Variants in THSD4 observed in about 807,000 individuals in gnomAD.
THSD4 encodes the protein thrombospondin type-1 domain-containing protein 4.
Under a neutral mutation model 119.0 loss-of-function variants are expected in THSD4, and 69 were observed. The ratio of observed to expected loss-of-function variants is 0.58; its 90% confidence interval spans 0.48 to 0.71. THSD4 has a LOEUF of 0.71. THSD4 is among the 30% of genes least tolerant of loss of function. The pLI is 0.00. For missense variants in THSD4, 1,393 were observed against 1,391.1 expected (o/e 1.00, Z -0.02); for synonymous variants, 524 against 540.4 (o/e 0.97, Z 0.42).
intron 1 of THSD4, among the ~76,000 whole-genome samples, chr15:71,118,171 T>C (rs577643458): frequency 1.3e-5 from 2 of 152,232 alleles, no homozygotes; most frequent in East Asian, 3.9e-4. Flanking sequence ...AGGAAAGTAC[T>C]GTATGGACAC....
At position 71,778,371 on chromosome 15, in the gene THSD4, T is replaced by C. The variant is rs751046979; in HGVS notation, c.*997T>C. On this transcript the variant is annotated 3_prime_UTR_variant, in exon 18 of 18. Coordinates refer to ENST00000261862, the MANE Select transcript of THSD4 (RefSeq NM_024817.3). ...AACTGTCCGTGAGACAAGAAAGCCA[T>C]TGGGGAAACCAGGTGATTGCCTGAA... The C allele has an allele frequency of 7.9e-5, 12 of 152,294 alleles. No individual in the cohort carries two copies. The highest frequency in any genetic ancestry group is 1.9e-4 in the East Asian group (1 of 5,192). The allele number at this position is 152,294 out of a possible 1,614,324, so 9.4% of individuals were successfully genotyped here. A position where few individuals can be genotyped will look rare whatever the true frequency, so the allele number is the denominator to read the frequency against.
chr15:71,388,140 C>T (rs1465522251), intron 6 of THSD4, among the ~76,000 whole-genome samples: 1 of 152,230 alleles, frequency 6.6e-6, no homozygotes, highest in Non-Finnish European at 1.5e-5. Flanking sequence ...TACCTTCTTT[C>T]ACATAAATCA....
intron 8 of THSD4, among the ~76,000 whole-genome samples, chr15:71,692,814 GA>G (rs1360480663): frequency 6.6e-6 from 1 of 152,204 alleles, no homozygotes; most frequent in Non-Finnish European, 1.5e-5. Flanking sequence ...ATGTTCCAGG[GA>G]AGACAATTTG....
chr15:71,489,244 A>C (rs1392991608), intron 7 of THSD4, among the ~76,000 whole-genome samples: 1 of 152,328 alleles, frequency 6.6e-6, no homozygotes, highest in Admixed American at 6.5e-5. Context: ...AGTTGCAGCT[A>C]GTTGTTAGAA....
rs181178179 is a variant in THSD4, at chr15:71,483,623, C to T, written c.1152+71800C>T. Among the ~76,000 whole-genome samples, 490 of 151,996 alleles carry T rather than the reference C, an allele frequency of 3.2e-3. 6 individuals are homozygous for T. The highest frequency in any genetic ancestry group is 4.2e-3 in the East Asian group (22 of 5,180). On this transcript the variant is annotated intron_variant, in intron 7 of 17. Coordinates refer to ENST00000261862, the MANE Select transcript of THSD4 (RefSeq NM_024817.3). The stretch of plus-strand genomic sequence containing the variant: ...CATTTTAAGTTCTGGGGTACATATG[C>T]AGGATGTGCAGGTTTGTTACATAGG...
At chr15:71,098,397 A>G (rs1370315052) in intron 1 of THSD4, among the ~76,000 whole-genome samples, 2 of 151,336 alleles carry the variant, frequency 1.3e-5, no homozygotes, top group Admixed American at 6.6e-5. Flanking sequence ...GGGATTTTGT[A>G]ATTTTTGTAT....
At chr15:71,758,269 G>C (rs557254905) in intron 15 of THSD4, among the ~76,000 whole-genome samples, 194 bp downstream of exon 15, 2 of 152,152 alleles carry the variant, frequency 1.3e-5, no homozygotes, top group Non-Finnish European at 2.9e-5. Flanking sequence ...GAGCACCTAC[G>C]GTGTGCTCAT....
chr15:71,686,435 A>G (rs1021697763), intron 8 of THSD4, among the ~76,000 whole-genome samples: 2 of 152,312 alleles, frequency 1.3e-5, no homozygotes, highest in Middle Eastern at 3.4e-3. Context: ...CCAGACAAAA[A>G]AGGACAGCTG....
chr15:71,310,400 A>G (rs954462098), intron 6 of THSD4, among the ~76,000 whole-genome samples: 10 of 152,374 alleles, frequency 6.6e-5, no homozygotes, highest in African/African-American at 2.2e-4. Context: ...ACATGTGTAC[A>G]TAGGTCCCTT....
chr15:71,318,885 G>C (rs556531108), intron 6 of THSD4, among the ~76,000 whole-genome samples: 1 of 152,306 alleles, frequency 6.6e-6, no homozygotes, highest in African/African-American at 2.4e-5. Flanking sequence ...CTGAGAGCGG[G>C]AGCCCTGGCC....
At chr15:71,340,755 A>G (rs2045555925) in intron 6 of THSD4, among the ~76,000 whole-genome samples, 1 of 151,872 alleles carries the variant, frequency 6.6e-6, no homozygotes. Context: ...ACAGGTGCCC[A>G]CCACCACACC....
chr15:71,594,116 C>G (rs1289585252), intron 7 of THSD4, among the ~76,000 whole-genome samples: 2 of 151,956 alleles, frequency 1.3e-5, no homozygotes, highest in East Asian at 1.9e-4. Context: ...TTTTCCTGCC[C>G]GGTCCCTCTC....
At chr15:71,680,018 A>G (rs2051742073) in intron 8 of THSD4, among the ~76,000 whole-genome samples, 1 of 152,208 alleles carries the variant, frequency 6.6e-6, no homozygotes, top group Admixed American at 6.5e-5. Context: ...AATACACACC[A>G]CAGTATTGCT....
At chr15:71,288,893 T>C (rs1300566069) in intron 6 of THSD4, among the ~76,000 whole-genome samples, 1 of 152,094 alleles carries the variant, frequency 6.6e-6, no homozygotes, top group Non-Finnish European at 1.5e-5. Flanking sequence ...GCATGGGGGA[T>C]TTCTGCAGAA....
At chr15:71,379,173 G>A (rs2046192351) in intron 6 of THSD4, among the ~76,000 whole-genome samples, 1 of 150,676 alleles carries the variant, frequency 6.6e-6, no homozygotes, top group African/African-American at 2.4e-5. Flanking sequence ...GTGTGTGGGT[G>A]GGGAGGGTTT....
chr15:71,502,491 T>C (rs1336993786), intron 7 of THSD4, among the ~76,000 whole-genome samples: 2 of 152,178 alleles, frequency 1.3e-5, no homozygotes, highest in Non-Finnish European at 2.9e-5. Flanking sequence ...TAAGCATGTT[T>C]TAACAATTTA....
chr15:71,495,883 T>C (rs945399287), intron 7 of THSD4, among the ~76,000 whole-genome samples: 1 of 152,194 alleles, frequency 6.6e-6, no homozygotes, highest in African/African-American at 2.4e-5. Context: ...AAGCCCATGG[T>C]AGAGTCACTA....
At chr15:71,461,482 A>T (rs573452668) in intron 7 of THSD4, among the ~76,000 whole-genome samples, 34 of 152,342 alleles carry the variant, frequency 2.2e-4, no homozygotes, top group Non-Finnish European at 4.3e-4. Flanking sequence ...CTGGGTCAGC[A>T]CACCCTCGAT....
intron 7 of THSD4, among the ~76,000 whole-genome samples, chr15:71,441,600 G>A (rs375318494): frequency 2.0e-5 from 3 of 151,440 alleles, no homozygotes; most frequent in Middle Eastern, 3.4e-3. Context: ...TCACTATGTT[G>A]GCCAGGCTGG....
Sources: allele counts gnomAD v4.1 joint callset (sites outside exome capture counted in the v4.1 genomes callset), GRCh38; gene constraint gnomAD v4.1.1; transcripts MANE v1.5; gene names NCBI Gene and HGNC (gene_info 2026-07-23, HGNC 2026-07-21).